Variants in ITPR2 observed in about 807,000 individuals in gnomAD.
ITPR2 encodes inositol 1,4,5-trisphosphate-gated calcium channel ITPR2.
In ITPR2, 207 loss-of-function variants were observed where a neutral mutation model predicts 317.1. The ratio of observed to expected loss-of-function variants is 0.65; its 90% CI spans 0.58 to 0.73. The LOEUF (loss-of-function observed/expected upper bound fraction) is 0.73, where lower values mean the gene tolerates loss of function less well. ITPR2 is among the 30% of genes least tolerant of loss of function. ITPR2 has a pLI of 0.00. For missense variants in ITPR2, 2,613 were observed against 3,284.0 expected (o/e 0.80, Z 4.99); for synonymous variants, 1,156 against 1,149.1 (o/e 1.01, Z -0.12).
At chr12:26,364,272 T>A (rs1272293002) in intron 55 of ITPR2, among the ~76,000 whole-genome samples, 1 of 152,242 alleles carries the variant, frequency 6.6e-6, no homozygotes, top group Non-Finnish European at 1.5e-5. Context: ...ATATTATTTA[T>A]CAATCGTATT....
chr12:26,343,010 G>C (rs886263144), intron 55 of ITPR2, among the ~76,000 whole-genome samples: 1 of 152,050 alleles, frequency 6.6e-6, no homozygotes, highest in Non-Finnish European at 1.5e-5. Flanking sequence ...GTGTCTTTTT[G>C]CACATGCCCA....
intron 34 of ITPR2, among the ~76,000 whole-genome samples, chr12:26,575,123 G>A (rs1945246343): frequency 6.7e-6 from 1 of 149,318 alleles, no homozygotes; most frequent in Non-Finnish European, 1.5e-5. Flanking sequence ...CGAGTAATGG[G>A]AAAGATGCTG....
At chr12:26,718,409 C>A (rs1948777812) in intron 5 of ITPR2, among the ~76,000 whole-genome samples, 1 of 151,878 alleles carries the variant, frequency 6.6e-6, no homozygotes, top group Non-Finnish European at 1.5e-5. Flanking sequence ...TTGGTTGCAC[C>A]TACATTCGCT....
chr12:26,467,989 A>G (rs1942209203), intron 45 of ITPR2, among the ~76,000 whole-genome samples: 1 of 152,198 alleles, frequency 6.6e-6, no homozygotes, highest in East Asian at 1.9e-4. Context: ...GATTTTGTAG[A>G]TCCACTACTA....
intron 2 of ITPR2, among the ~76,000 whole-genome samples, chr12:26,762,716 T>C (rs1023106415): frequency 1.3e-5 from 2 of 152,136 alleles, no homozygotes; most frequent in Non-Finnish European, 2.9e-5. Context: ...AATTCTAGTA[T>C]AAAAGTTAAA....
intron 48 of ITPR2, among the ~76,000 whole-genome samples, chr12:26,435,925 G>A (rs1410589863): frequency 6.6e-6 from 1 of 152,138 alleles, no homozygotes; most frequent in Non-Finnish European, 1.5e-5. Flanking sequence ...GCATAATTTA[G>A]ATGATACAGT....
intron 13 of ITPR2, among the ~76,000 whole-genome samples, 176 bp downstream of exon 13, chr12:26,681,698 C>G (rs1163903212): frequency 6.6e-6 from 1 of 152,172 alleles, no homozygotes; most frequent in Non-Finnish European, 1.5e-5. Context: ...AGATTTAAAT[C>G]TGACAAATTT....
chr12:26,529,808 G>A (rs1943903991), intron 37 of ITPR2, among the ~76,000 whole-genome samples: 1 of 152,144 alleles, frequency 6.6e-6, no homozygotes, highest in Non-Finnish European at 1.5e-5. Context: ...ATGATGGCTA[G>A]TCCATTTTTC....
rs571946729 is a variant in ITPR2, at chr12:26,801,359, A to G, written c.93-11132T>C. On this transcript the variant is annotated intron_variant, in intron 1 of 56. Transcript: ENST00000381340. ...CAGCATGGGAGATACACACCTTGAAACAACAGGATCCAGAAGGAAAATTTG... is the reference window on the plus strand; with the variant it reads ...CAGCATGGGAGATACACACCTTGAAGCAACAGGATCCAGAAGGAAAATTTG... 1.7e-4 allele frequency: 28 copies of G among 162,236 alleles called. 1 individual carries two copies. In the South Asian group the frequency reaches 5.0e-3, roughly 29 times the overall value. 10.0% of individuals were successfully genotyped at this position (162,236 alleles called of 1,614,324 possible). A position where few individuals can be genotyped will look rare whatever the true frequency, so the allele number is the denominator to read the frequency against.
chr12:26,778,395 G>A (rs1169964420), intron 2 of ITPR2, among the ~76,000 whole-genome samples: 1 of 152,178 alleles, frequency 6.6e-6, no homozygotes, highest in Non-Finnish European at 1.5e-5. Flanking sequence ...AATGACAGTG[G>A]ATTATCATAA....
chr12:26,590,464 C>T (rs186080570), intron 32 of ITPR2, among the ~76,000 whole-genome samples: 2 of 152,202 alleles, frequency 1.3e-5, no homozygotes, highest in East Asian at 3.9e-4. Flanking sequence ...GAAACAAATC[C>T]ACACACCTAC....
rs112515673 is a variant in ITPR2, at chr12:26,831,722, T to C, written c.92+968A>G. Among the ~76,000 whole-genome samples, 2 of 130,044 alleles carry C rather than the reference T, an allele frequency of 1.5e-5. No homozygotes were observed. Among genetic ancestry groups the C allele is most frequent in the Admixed American group, 8.0e-5 (1 of 12,544 alleles). 85.3% of individuals were successfully genotyped at this position (130,044 alleles called of 152,430 possible). The stretch of plus-strand genomic sequence containing the variant: ...ACATAAAATATATAAATATATATTC[T>C]ACATAAAATATATAAATATATATTC... On this transcript the variant is annotated intron_variant, in intron 1 of 56. Transcript: ENST00000381340. This position sits in a 1 kb window ranked among gnomAD's most constrained non-coding sequence, Gnocchi z 4.9.
chr12:26,365,066 G>A (rs945047551), intron 55 of ITPR2, among the ~76,000 whole-genome samples: 2 of 152,190 alleles, frequency 1.3e-5, no homozygotes, highest in Non-Finnish European at 2.9e-5. Flanking sequence ...CATGAATTGC[G>A]AAGCGAGACT....
intron 13 of ITPR2, among the ~76,000 whole-genome samples, chr12:26,674,624 A>C (rs1269988682): frequency 6.6e-6 from 1 of 152,248 alleles, no homozygotes; most frequent in African/African-American, 2.4e-5. Context: ...ACCATTCAGG[A>C]CATAGGCATG....
intron 47 of ITPR2, among the ~76,000 whole-genome samples, chr12:26,437,123 C>T (rs981900978): frequency 1.3e-4 from 20 of 152,262 alleles, no homozygotes; most frequent in East Asian, 5.8e-4. Flanking sequence ...AATAACTGAA[C>T]GGATTGGTAA....
intron 9 of ITPR2, among the ~76,000 whole-genome samples, chr12:26,697,403 T>C (rs954884480): frequency 3.7e-4 from 57 of 152,306 alleles, no homozygotes; most frequent in African/African-American, 1.3e-3. Context: ...TCCTATGATA[T>C]GATGCAAAAT....
intron 37 of ITPR2, among the ~76,000 whole-genome samples, chr12:26,516,310 A>AGGAAAGGAAAGGAAAGGAAAGGAAG (rs1943511629): frequency 2.5e-4 from 31 of 125,062 alleles, no homozygotes; most frequent in Non-Finnish European, 3.2e-4. Flanking sequence ...AGGAAAGGAA[A>AGGAAAGGAAAGGAAAGGAAAGGAAG]GGAAAGGAAA....
intron 1 of ITPR2, among the ~76,000 whole-genome samples, chr12:26,807,708 G>A (rs1950662905): frequency 6.6e-6 from 1 of 152,080 alleles, no homozygotes. Context: ...AGTGCATTTG[G>A]TGATACCACC....
intron 37 of ITPR2, among the ~76,000 whole-genome samples, chr12:26,505,879 T>C (rs1298061792): frequency 6.6e-6 from 1 of 152,166 alleles, no homozygotes; most frequent in Admixed American, 6.5e-5. Flanking sequence ...ATTTGTTGTA[T>C]ATCATGTCTG....
Sources: gnomAD v4.1 joint callset for allele counts (sites outside exome capture counted in the v4.1 genomes callset) on GRCh38, gnomAD v4.1.1 for gene constraint, Gnocchi (gnomAD v3.1) non-coding constraint, MANE v1.5 for transcripts, NCBI Gene and HGNC (gene_info 2026-07-23, HGNC 2026-07-21) for gene names.